Variants in SCG5 observed in about 807,000 individuals in gnomAD.
SCG5 encodes neuroendocrine protein 7B2.
A neutral mutation model predicts 25.7 loss-of-function variants in SCG5; 18 were observed. The observed-to-expected ratio is 0.70, with a 90% confidence interval of 0.48 to 1.04. The LOEUF is 1.04. Among genes scored for constraint, SCG5 ranks in the 50% least tolerant of loss-of-function variants. The pLI is 0.00. For missense variants in SCG5, 206 were observed against 259.8 expected (o/e 0.79, Z 1.42); for synonymous variants, 101 against 91.7 (o/e 1.10, Z -0.58).
chr15:32,684,780 T>G, intron 4 of SCG5, 111 bp downstream of exon 4: 1 of 685,058 alleles, frequency 1.5e-6, no homozygotes, highest in Admixed American at 2.8e-5. Context: ...ATTTAGAAGC[T>G]AATTTTTCAG....
At chr15:32,678,215 A>G (rs2054562053) in intron 2 of SCG5, among the ~76,000 whole-genome samples, 1 of 152,234 alleles carries the variant, frequency 6.6e-6, no homozygotes, top group Admixed American at 6.5e-5. Context: ...ATCTGACTAC[A>G]TAAATATTAA....
rs1398959622 is a variant in SCG5 at position 32,684,567 on chromosome 15, A to G, written c.387A>G (p.Gly129=). The G allele has an allele frequency of 3.1e-6, 5 of 1,610,302 alleles. No homozygotes were observed. The highest frequency in any genetic ancestry group is 4.2e-6 in the Non-Finnish European group (5 of 1,177,114). ...PCPVGKTADD[G]CLENTPDTAE... is the part of the protein sequence containing the mutation. ...TTTGGCTGTTTGCAGCAGATGATGG[A>G]TGTCTAGAAAACACCCCTGACACTG... Residue 129 remains glycine (G), a synonymous_variant, in exon 4 of 6, where the codon GGA becomes GGG. Transcript: ENST00000300175.
chr15:32,673,691 G>T (rs2140557622), intron 2 of SCG5, among the ~76,000 whole-genome samples: 1 of 152,104 alleles, frequency 6.6e-6, no homozygotes, highest in African/African-American at 2.4e-5. Context: ...AGGTGACAAA[G>T]AACATTAAAA....
At position 32,684,581 on chromosome 15, in the gene SCG5, C is replaced by T. The variant is rs1184195791; in HGVS notation, c.401C>T (p.Thr134Ile). 2.5e-6 allele frequency: 4 copies of T among 1,613,202 alleles called. No individual in the cohort carries two copies. The highest frequency in any genetic ancestry group is 1.7e-6 in the Non-Finnish European group (2 of 1,179,394). The change falls in exon 4 of 6, where the codon ACC (threonine) becomes ATC (isoleucine). Residue 134 changes from threonine to isoleucine, a missense_variant. By Grantham distance (89) the Thr-to-Ile change is moderately conservative. Transcript: ENST00000300175. Reference sequence around the variant, plus strand: ...GCAGATGATGGATGTCTAGAAAACACCCCTGACACTGCAGAGTTCAGTCGA... The same window carrying T: ...GCAGATGATGGATGTCTAGAAAACATCCCTGACACTGCAGAGTTCAGTCGA... Reference protein sequence around the residue: ...KTADDGCLENTPDTAEFSREF... With the variant: ...KTADDGCLENIPDTAEFSREF...
At chr15:32,667,406 T>C (rs1294474770) in intron 2 of SCG5, among the ~76,000 whole-genome samples, 1 of 152,252 alleles carries the variant, frequency 6.6e-6, no homozygotes, top group Non-Finnish European at 1.5e-5. Context: ...TTACCATGTG[T>C]GGGTAAGAGA....
Position 32,696,556 on chromosome 15 carries a change from G to T in SCG5, c.586G>T (p.Val196Phe), listed in dbSNP as rs777198429. 9 of 1,613,094 alleles carry T rather than the reference G, an allele frequency of 5.6e-6. No homozygotes were observed. Among genetic ancestry groups the T allele is most frequent in the Non-Finnish European group, 7.6e-6 (9 of 1,179,534 alleles). Reference protein sequence around the residue: ...YLQGQRLDNVVAKKSVPHFSD... With the variant: ...YLQGQRLDNVFAKKSVPHFSD... ...ACAAGGACAGAGACTGGATAATGTT[G>T]TTGCAAAGAAGTCTGTCCCCCATTT... Residue 196 changes from valine (V) to phenylalanine (F), a missense_variant, in exon 6 of 6, where the codon GTT (valine) becomes TTT (phenylalanine). Val to Phe is a conservative substitution (Grantham distance 50). Transcript: ENST00000300175.
intron 2 of SCG5, among the ~76,000 whole-genome samples, chr15:32,666,744 AT>A (rs1182171821): frequency 6.6e-6 from 1 of 152,226 alleles, no homozygotes. Context: ...GGACTATTTT[AT>A]TTTATCCTCA....
At chr15:32,691,956 T>C in intron 5 of SCG5, 193 bp downstream of exon 5, 1 of 1,436,712 alleles carries the variant, frequency 7.0e-7, no homozygotes, top group Admixed American at 3.0e-5. Flanking sequence ...TTCCCCAGGC[T>C]TTAGCAGATG....
chr15:32,673,674 A>AGTC (rs2054482546), intron 2 of SCG5, among the ~76,000 whole-genome samples: 1 of 152,076 alleles, frequency 6.6e-6, no homozygotes, highest in African/African-American at 2.4e-5. Flanking sequence ...ATAACTTAGA[A>AGTC]GGAGTGAGGT....
intron 3 of SCG5, 51 bp downstream of exon 3, chr15:32,679,966 A>T: frequency 6.6e-7 from 1 of 1,504,056 alleles, no homozygotes; most frequent in East Asian, 2.3e-5. Flanking sequence ...TTTGGAAGGA[A>T]ATCAGAAATT....
chr15:32,678,305 G>A (rs1213116244), intron 2 of SCG5, among the ~76,000 whole-genome samples: 3 of 152,058 alleles, frequency 2.0e-5, no homozygotes, highest in African/African-American at 4.8e-5. Flanking sequence ...CAGAAAATGC[G>A]ACAGCCAAAG....
chr15:32,657,000 G>T (rs1214339776), intron 2 of SCG5, among the ~76,000 whole-genome samples: 1 of 151,096 alleles, frequency 6.6e-6, no homozygotes, highest in African/African-American at 2.4e-5. Context: ...CCAGCTGCAT[G>T]GCACTGAACA....
chr15:32,647,893 G>A (rs1050911362), intron 2 of SCG5, among the ~76,000 whole-genome samples: 1 of 151,964 alleles, frequency 6.6e-6, no homozygotes, highest in Non-Finnish European at 1.5e-5. Flanking sequence ...AGTTCTCCAG[G>A]GCTCAGTGCT....
At chr15:32,681,467 T>TTTTTTC (rs1444936273) in intron 3 of SCG5, among the ~76,000 whole-genome samples, 1 of 147,326 alleles carries the variant, frequency 6.8e-6, no homozygotes. Context: ...CTACTCAACT[T>TTTTTTC]TTTTTCTTTT....
intron 2 of SCG5, among the ~76,000 whole-genome samples, chr15:32,664,615 C>T (rs2140532597): frequency 6.6e-6 from 1 of 152,246 alleles, no homozygotes; most frequent in South Asian, 2.1e-4. Context: ...AGGTTCCAGG[C>T]CTTGGAAGCA....
In SCG5 at chr15:32,695,236, CG is replaced by C. The variant is rs758516721; in HGVS notation, c.544-1277del. Among the ~76,000 whole-genome samples the C allele has an allele frequency of 4.6e-5, 7 of 152,096 alleles. No homozygotes were observed. In the South Asian group the frequency reaches 1.0e-3, roughly 23 times the overall value. On this transcript the variant is annotated intron_variant, in intron 5 of 5. Transcript: ENST00000300175. The stretch of plus-strand genomic sequence containing the variant: ...TTCACCGTGTTAGCCAGGATGGTCT[CG>C]ATCTCCTGACCTTGTGATCCGCCCA...
At position 32,691,982 on chromosome 15, in the gene SCG5, C is replaced by T. The variant is rs369793868; in HGVS notation, c.543+219C>T. 4.6e-5 allele frequency: 65 copies of T among 1,419,666 alleles called. No homozygotes were observed. In the African/African-American group the frequency reaches 4.9e-4, roughly 11 times the overall value. 87.9% of individuals were successfully genotyped at this position (1,419,666 alleles called of 1,614,324 possible). ...TTAGCAGATGATTTTTAGTGGAACG[C>T]GCAGTCTGTAGCAATTCTAGCAACT... is the stretch of plus-strand genomic sequence containing the variant. On this transcript the variant is annotated intron_variant, in intron 5 of 5. Coordinates refer to ENST00000300175, the MANE Select transcript of SCG5 (RefSeq NM_001144757.3).
chr15:32,670,356 A>G (rs1251928708), intron 2 of SCG5, among the ~76,000 whole-genome samples: 1 of 152,228 alleles, frequency 6.6e-6, no homozygotes, highest in African/African-American at 2.4e-5. Flanking sequence ...GGATCACTCT[A>G]GCAAACTGCC....
At chr15:32,691,430 C>A (rs747105170) in intron 4 of SCG5, among the ~76,000 whole-genome samples, 1 of 152,106 alleles carries the variant, frequency 6.6e-6, no homozygotes, top group Non-Finnish European at 1.5e-5. Context: ...TTTCCAGCAC[C>A]CTTCATGTTT....
Sources: gnomAD v4.1 joint callset for allele counts (sites outside exome capture counted in the v4.1 genomes callset) on GRCh38, gnomAD v4.1.1 for gene constraint, MANE v1.5 for transcripts, NCBI Gene and HGNC (gene_info 2026-07-23, HGNC 2026-07-21) for gene names.